The following RAP1GDS1 variants were observed in gnomAD, a reference collection of about 807,000 sequenced individuals.
RAP1GDS1 encodes Rap1 GTPase-GDP dissociation stimulator 1, also known as RAP1, GTP-GDP dissociation stimulator 1.
A neutral mutation model predicts 71.1 loss-of-function variants in RAP1GDS1; 35 were observed. The ratio of observed to expected loss-of-function variants is 0.49; its 90% CI spans 0.38 to 0.65. The LOEUF is 0.65. Among genes scored for constraint, RAP1GDS1 ranks in the 30% least tolerant of loss-of-function variants. The pLI is 0.00. For synonymous variants in RAP1GDS1, 229 were observed against 243.1 expected (o/e 0.94, Z 0.54); for missense variants, 663 against 706.1 (o/e 0.94, Z 0.69).
At chr4:98,356,255 A>G (rs1026483129) in intron 4 of RAP1GDS1, among the ~76,000 whole-genome samples, 2 of 152,080 alleles carry the variant, frequency 1.3e-5, no homozygotes, top group African/African-American at 4.8e-5. Flanking sequence ...GCCTATTTAC[A>G]CTTCCTTTTC....
chr4:98,289,045 A>G (rs1031951159), intron 1 of RAP1GDS1, among the ~76,000 whole-genome samples: 2 of 152,152 alleles, frequency 1.3e-5, no homozygotes, highest in Admixed American at 6.6e-5. Context: ...TTAGCTTGCT[A>G]AGAAGTAAGA....
intron 2 of RAP1GDS1, among the ~76,000 whole-genome samples, chr4:98,299,088 T>C (rs1300413180): frequency 6.6e-6 from 1 of 152,164 alleles, no homozygotes; most frequent in Admixed American, 6.5e-5. Context: ...CCCTGGTGTG[T>C]GATGTTCCCC....
chr4:98,373,134 C>T (rs1169115082), intron 4 of RAP1GDS1, among the ~76,000 whole-genome samples: 2 of 152,208 alleles, frequency 1.3e-5, no homozygotes, highest in Non-Finnish European at 2.9e-5. Context: ...CTTTTACTAA[C>T]ATTTTTTGCA....
chr4:98,404,775 T>C (rs189228196), intron 7 of RAP1GDS1, among the ~76,000 whole-genome samples, 173 bp downstream of exon 7: 3 of 152,288 alleles, frequency 2.0e-5, no homozygotes, highest in East Asian at 1.9e-4. Context: ...TATATCTACA[T>C]TGGCCAAAGC....
At chr4:98,393,254 G>A (rs570963118) in intron 6 of RAP1GDS1, among the ~76,000 whole-genome samples, 131 of 152,190 alleles carry the variant, frequency 8.6e-4, no homozygotes, top group African/African-American at 3.1e-3. Context: ...TGTCTTCCAA[G>A]CAAAGGGAAT....
At chr4:98,426,056 A>G (rs1335779453) in intron 12 of RAP1GDS1, among the ~76,000 whole-genome samples, 2 of 152,342 alleles carry the variant, frequency 1.3e-5, no homozygotes, top group South Asian at 2.1e-4. Context: ...AAAACTGGAA[A>G]TCAACTCCAA....
chr4:98,410,549 T>G (rs1174388182), intron 7 of RAP1GDS1, among the ~76,000 whole-genome samples: 2 of 152,112 alleles, frequency 1.3e-5, no homozygotes, highest in Non-Finnish European at 2.9e-5. Context: ...TACCAGGAAC[T>G]GTTACAGGAA....
chr4:98,266,816 A>G (rs2110222274), intron 1 of RAP1GDS1, among the ~76,000 whole-genome samples: 1 of 152,342 alleles, frequency 6.6e-6, no homozygotes, highest in South Asian at 2.1e-4. Context: ...TTAAGAACCA[A>G]AATGATTTTG....
intron 1 of RAP1GDS1, among the ~76,000 whole-genome samples, chr4:98,285,903 A>G (rs1259517830): frequency 6.8e-6 from 1 of 147,496 alleles, no homozygotes; most frequent in Non-Finnish European, 1.5e-5. Flanking sequence ...AATAAACATT[A>G]TAAATTATTT....
chr4:98,298,920 T>A (rs911539077), intron 2 of RAP1GDS1, among the ~76,000 whole-genome samples: 1 of 152,184 alleles, frequency 6.6e-6, no homozygotes, highest in Admixed American at 6.5e-5. Context: ...ACTTTTTTTT[T>A]ATTATACTTT....
chr4:98,310,115 A>G (rs1729985883), intron 2 of RAP1GDS1, among the ~76,000 whole-genome samples: 1 of 152,092 alleles, frequency 6.6e-6, no homozygotes, highest in African/African-American at 2.4e-5. Flanking sequence ...AGCATTTTAT[A>G]CAGTTATATC....
chr4:98,268,424 C>A (rs534301121), intron 1 of RAP1GDS1, among the ~76,000 whole-genome samples: 7 of 152,042 alleles, frequency 4.6e-5, no homozygotes, highest in Non-Finnish European at 1.0e-4. Flanking sequence ...AGGATGCCCA[C>A]TCTTGCCACT....
chr4:98,276,155 TCA>T (rs1237225812), intron 1 of RAP1GDS1, among the ~76,000 whole-genome samples: 3 of 152,134 alleles, frequency 2.0e-5, no homozygotes. Flanking sequence ...CTATGTAACC[TCA>T]CACGGTAGAA....
chr4:98,372,113 G>A (rs971652521), intron 4 of RAP1GDS1, among the ~76,000 whole-genome samples: 6 of 151,698 alleles, frequency 4.0e-5, no homozygotes, highest in Admixed American at 2.0e-4. Flanking sequence ...CTCTTTGTCC[G>A]CCTTTTTTTG....
intron 2 of RAP1GDS1, among the ~76,000 whole-genome samples, chr4:98,311,519 G>C (rs538208218): frequency 2.0e-4 from 30 of 152,116 alleles, no homozygotes; most frequent in Non-Finnish European, 3.7e-4. Context: ...ACCTATGAAG[G>C]TCCCATCGTG....
At chr4:98,312,233 A>C (rs1730336076) in intron 2 of RAP1GDS1, among the ~76,000 whole-genome samples, 1 of 152,196 alleles carries the variant, frequency 6.6e-6, no homozygotes, top group African/African-American at 2.4e-5. Flanking sequence ...CCCAGTCTCC[A>C]GCTAATAATT....
chr4:98,284,507 T>C (rs562385344), intron 1 of RAP1GDS1, among the ~76,000 whole-genome samples: 2 of 152,280 alleles, frequency 1.3e-5, no homozygotes, highest in South Asian at 4.1e-4. Context: ...AACCATGTGG[T>C]GAATATTAAG....
chr4:98,435,714 G>A (rs567053686), intron 13 of RAP1GDS1, among the ~76,000 whole-genome samples: 1 of 152,062 alleles, frequency 6.6e-6, no homozygotes, highest in South Asian at 2.1e-4. Context: ...TGACTGTTGA[G>A]TTTTGAGAGT....
Position 98,418,696 on chromosome 4 carries a change from A to G in RAP1GDS1, c.1079A>G (p.Glu360Gly), listed in dbSNP as rs1748368599. 2 of 1,611,746 alleles carry G rather than the reference A, an allele frequency of 1.2e-6. No individual in the cohort carries two copies. The highest frequency in any genetic ancestry group is 1.7e-6 in the Non-Finnish European group (2 of 1,179,044). Residue 360 changes from glutamate (E) to glycine (G), a missense_variant, in exon 10 of 15, where the codon GAA becomes GGA. Transcript: ENST00000408927. ...CIHMVDNGIV[E>G]KLMDLLDRHV... ...CATATGGTAGACAATGGGATTGTAG[A>G]AAAACTTATGGATTTACTGGACAGA...
Sources: allele counts gnomAD v4.1 joint callset (sites outside exome capture counted in the v4.1 genomes callset), GRCh38; gene constraint gnomAD v4.1.1; transcripts MANE v1.5; gene names NCBI Gene and HGNC (gene_info 2026-07-23, HGNC 2026-07-21).